The following SMURF2 variants were observed in gnomAD, a reference collection of about 807,000 sequenced individuals.
The protein encoded by SMURF2 is SMAD specific E3 ubiquitin protein ligase 2.
In SMURF2, 48 loss-of-function variants were observed where a neutral mutation model predicts 109.6. The observed-to-expected ratio is 0.44, with a 90% CI of 0.35 to 0.56. The LOEUF is 0.56. Among genes scored for constraint, SMURF2 ranks in the 20% least tolerant of loss-of-function variants. The pLI is 0.01. For synonymous variants in SMURF2, 288 were observed against 317.1 expected, an observed-to-expected ratio of 0.91 and a Z score of 0.97; for missense variants, 575 against 909.0, an observed-to-expected ratio of 0.63 and a Z score of 4.72.
intron 1 of SMURF2, among the ~76,000 whole-genome samples, chr17:64,632,417 C>G (rs1970363889): frequency 6.6e-6 from 1 of 152,134 alleles, no homozygotes; most frequent in Non-Finnish European, 1.5e-5. Flanking sequence ...CTGACCATGC[C>G]CCTACACACT....
chr17:64,619,280 C>G (rs1488160765), intron 1 of SMURF2, among the ~76,000 whole-genome samples: 7 of 151,834 alleles, frequency 4.6e-5, no homozygotes, highest in Admixed American at 4.6e-4. Context: ...AGATCGAGAC[C>G]AGCCTGGCTA....
intron 5 of SMURF2, among the ~76,000 whole-genome samples, chr17:64,588,354 C>A (rs1479336085): frequency 6.6e-6 from 1 of 151,776 alleles, no homozygotes; most frequent in African/African-American, 2.4e-5. Flanking sequence ...AAAAAGAATA[C>A]AGCAAAGTGT....
chr17:64,546,151 C>A, intron 18 of SMURF2, 112 bp downstream of exon 18: 1 of 1,089,946 alleles, frequency 9.2e-7, no homozygotes, highest in African/African-American at 1.6e-5. Context: ...GCTTATCATT[C>A]CCTTTAAAGG....
intron 1 of SMURF2, among the ~76,000 whole-genome samples, chr17:64,643,969 G>A (rs1011337659): frequency 1.3e-5 from 2 of 152,110 alleles, no homozygotes; most frequent in East Asian, 1.9e-4. Context: ...TGGATTATAG[G>A]TGCGCGCCAC....
chr17:64,573,105 T>C, intron 9 of SMURF2: 1 of 126,734 alleles, frequency 7.9e-6, no homozygotes, highest in African/African-American at 3.0e-5. Flanking sequence ...GTTTTTGTGG[T>C]CCTCTTTTTA....
At chr17:64,616,294 C>T (rs954501673) in intron 1 of SMURF2, among the ~76,000 whole-genome samples, 3 of 151,958 alleles carry the variant, frequency 2.0e-5, no homozygotes, top group Non-Finnish European at 2.9e-5. Context: ...GTAGTACTAC[C>T]GTCATTTTAG....
chr17:64,600,133 T>C (rs1484122101), intron 2 of SMURF2, among the ~76,000 whole-genome samples: 1 of 152,024 alleles, frequency 6.6e-6, no homozygotes, highest in South Asian at 2.1e-4. Context: ...AGACCATATA[T>C]GAAGCTGTTG....
chr17:64,620,349 C>A (rs79078130), intron 1 of SMURF2, among the ~76,000 whole-genome samples: 1 of 152,164 alleles, frequency 6.6e-6, no homozygotes, highest in Non-Finnish European at 1.5e-5. Context: ...TGGCTCACCC[C>A]TAACTGCCAC....
intron 1 of SMURF2, among the ~76,000 whole-genome samples, chr17:64,631,113 G>A (rs1165805580): frequency 2.6e-5 from 4 of 151,334 alleles, no homozygotes; most frequent in Non-Finnish European, 5.9e-5. Flanking sequence ...ACCAGCCTGG[G>A]CAACATGGCA....
Position 64,656,647 on chromosome 17 carries a change from G to C in SMURF2, c.52+5182C>G, listed in dbSNP as rs1174325820. Reference sequence around the variant, plus strand: ...ACTCAGTAACACTATTTTTATGGAAGCATCCTAAAAAAAAAGAATCCTTAA... The same window carrying C: ...ACTCAGTAACACTATTTTTATGGAACCATCCTAAAAAAAAAGAATCCTTAA... On this transcript the variant is annotated intron_variant, in intron 1 of 18. Coordinates refer to ENST00000262435, the MANE Select transcript of SMURF2 (RefSeq NM_022739.4). Among the ~76,000 whole-genome samples the C allele has an allele frequency of 2.7e-5, 4 of 150,318 alleles. No homozygotes were observed. The East Asian group carries it at 7.8e-4, about 29-fold the overall frequency.
At chr17:64,617,065 TAAAAAAA>T (rs35408397) in intron 1 of SMURF2, among the ~76,000 whole-genome samples, 8 of 48,494 alleles carry the variant, frequency 1.6e-4, no homozygotes, top group African/African-American at 6.8e-4. Flanking sequence ...AGACCTTGTC[TAAAAAAA>T]AAAAAAAAAA....
intron 5 of SMURF2, among the ~76,000 whole-genome samples, chr17:64,590,383 T>TCCAC (rs1256502281): frequency 6.6e-6 from 1 of 152,122 alleles, no homozygotes; most frequent in East Asian, 1.9e-4. Context: ...CTTCAGGTGA[T>TCCAC]CCACCCGCCT....
In SMURF2 at chr17:64,661,862, G is replaced by C. The variant is rs945575581; in HGVS notation, c.19C>G (p.Arg7Gly). Reference protein sequence around the residue: MSNPGGRRNGPVKLRLT... With the variant: MSNPGGGRNGPVKLRLT... The stretch of plus-strand genomic sequence containing the variant: ...CGCAGCTTGACGGGCCCGTTCCTCC[G>C]GCCTCCGGGGTTAGACATGTCCCCG... Residue 7 changes from arginine (R) to glycine (G), a missense_variant, in exon 1 of 19, where the codon CGG (arginine) becomes GGG (glycine). This residue lies in a region of SMURF2 where 30 missense variants were observed against 34.5 expected (regional missense o/e 0.87). Transcript: ENST00000262435. The C allele has an allele frequency of 4.1e-6, 5 of 1,216,668 alleles. No homozygotes were observed. In the African/African-American group the frequency reaches 6.3e-5, roughly 15 times the overall value. The allele number at this position is 1,216,668 out of a possible 1,614,324, so 75.4% of individuals were successfully genotyped here.
intron 8 of SMURF2, among the ~76,000 whole-genome samples, chr17:64,580,453 A>G (rs1969563483): frequency 6.6e-6 from 1 of 152,224 alleles, no homozygotes; most frequent in African/African-American, 2.4e-5. Context: ...CGTTATCAGT[A>G]ACAATACCAT....
At chr17:64,606,968 T>C (rs1325292313) in intron 1 of SMURF2, among the ~76,000 whole-genome samples, 1 of 152,024 alleles carries the variant, frequency 6.6e-6, no homozygotes, top group East Asian at 1.9e-4. Context: ...AAAGGAGATA[T>C]GTAAAGTCAG....
At chr17:64,578,772 G>A (rs1008275210) in intron 8 of SMURF2, among the ~76,000 whole-genome samples, 196 bp from the exon 9 acceptor site, 1 of 152,152 alleles carries the variant, frequency 6.6e-6, no homozygotes, top group Non-Finnish European at 1.5e-5. Flanking sequence ...AGGGCCACAG[G>A]CCAGCTATCC....
chr17:64,605,925 GT>G (rs200749089), intron 2 of SMURF2, among the ~76,000 whole-genome samples: 1,594 of 143,012 alleles, frequency 0.011, 15 homozygotes, highest in Middle Eastern at 0.025. Flanking sequence ...GTTGGCTGAA[GT>G]TTTTTTTTTT....
chr17:64,640,487 A>G (rs185872220), intron 1 of SMURF2, among the ~76,000 whole-genome samples: 15 of 152,286 alleles, frequency 9.8e-5, no homozygotes, highest in Non-Finnish European at 2.2e-4. Flanking sequence ...AAGGTCTTGG[A>G]TAAATAGTGT....
At chr17:64,628,104 G>C (rs1970291413) in intron 1 of SMURF2, among the ~76,000 whole-genome samples, 1 of 152,174 alleles carries the variant, frequency 6.6e-6, no homozygotes, top group Non-Finnish European at 1.5e-5. Context: ...ATCACCTTCT[G>C]ATGGTGATTC....
Sources: gnomAD v4.1 joint callset for allele counts (sites outside exome capture counted in the v4.1 genomes callset) on GRCh38, gnomAD v4.1.1 for gene constraint, gnomAD v4.1.1 regional missense constraint, MANE v1.5 for transcripts, NCBI Gene and HGNC (gene_info 2026-07-23, HGNC 2026-07-21) for gene names.